The following CBFA2T2 variants were observed in gnomAD, a reference collection of about 807,000 sequenced individuals.
CBFA2T2 encodes the protein protein CBFA2T2.
CBFA2T2 carries 11 observed loss-of-function variants against 62.2 expected under a neutral mutation model. That is an observed-to-expected ratio of 0.18 (90% CI 0.11 to 0.29). The LOEUF is 0.29. CBFA2T2 is among the 10% of genes least tolerant of loss of function. CBFA2T2 has a pLI of 1.00. For missense variants in CBFA2T2, 592 were observed against 774.1 expected (o/e 0.76, Z 2.79); for synonymous variants, 295 against 287.5 (o/e 1.03, Z -0.27).
rs2015369197 is a variant in CBFA2T2, at chr20:33,607,086, C to T, written c.165C>T (p.Phe55=). The change falls in exon 2 of 11, where the codon TTC becomes TTT. Residue 55 remains phenylalanine, a synonymous_variant. Coordinates refer to ENST00000342704, the MANE Select transcript of CBFA2T2 (RefSeq NM_001032999.3). ...CTGGAGGACCGAGGCCAGTGTCCTT[C>T]ACTCCTACTGCATGTGAGACCTCTT... ...INPGGPRPVS[F]TPTALSNGIN... 6.2e-7 allele frequency: 1 copy of T among 1,614,006 alleles called. No individual in the cohort carries two copies. Among genetic ancestry groups the T allele is most frequent in the Non-Finnish European group, 8.5e-7 (1 of 1,179,900 alleles).
chr20:33,503,803 T>C (rs2011348002), intron 1 of CBFA2T2, among the ~76,000 whole-genome samples: 1 of 152,110 alleles, frequency 6.6e-6, no homozygotes, highest in Non-Finnish European at 1.5e-5. Context: ...TTCAGGCATA[T>C]GCCACTATGC....
intron 1 of CBFA2T2, among the ~76,000 whole-genome samples, chr20:33,603,513 G>A (rs187172885): frequency 2.0e-4 from 30 of 152,046 alleles, no homozygotes; most frequent in Non-Finnish European, 3.5e-4. Flanking sequence ...TTTAATACAC[G>A]TATACAAATA....
At chr20:33,571,879 T>C (rs1449400402) in intron 1 of CBFA2T2, among the ~76,000 whole-genome samples, 1 of 152,184 alleles carries the variant, frequency 6.6e-6, no homozygotes, top group African/African-American at 2.4e-5. Flanking sequence ...TTCTTGTGTT[T>C]TGTTTGTTTG....
intron 1 of CBFA2T2, among the ~76,000 whole-genome samples, chr20:33,499,308 A>G (rs917496447): frequency 1.3e-5 from 2 of 152,204 alleles, no homozygotes; most frequent in African/African-American, 2.4e-5. Flanking sequence ...TTTGAATCTC[A>G]TAGAAAGTGA....
At chr20:33,574,867 T>C (rs1360213971) in intron 1 of CBFA2T2, among the ~76,000 whole-genome samples, 1 of 152,170 alleles carries the variant, frequency 6.6e-6, no homozygotes. Context: ...GAATGATTGG[T>C]CTTAAAACAG....
At chr20:33,532,726 T>C (rs1161313238) in intron 1 of CBFA2T2, among the ~76,000 whole-genome samples, 1 of 152,220 alleles carries the variant, frequency 6.6e-6, no homozygotes, top group East Asian at 1.9e-4. Context: ...TATTTATCGG[T>C]AAAATAAGCC....
intron 1 of CBFA2T2, among the ~76,000 whole-genome samples, chr20:33,545,470 T>TTTCTTTCTTTCTTTCG (rs1209263074): frequency 7.1e-4 from 107 of 151,438 alleles, no homozygotes; most frequent in African/African-American, 2.1e-3. Context: ...TCTTTCTTTC[T>TTTCTTTCTTTCTTTCG]TTCGTTCGTT....
At chr20:33,491,250 T>TA (rs1370358080) in intron 1 of CBFA2T2, among the ~76,000 whole-genome samples, 2 of 152,324 alleles carry the variant, frequency 1.3e-5, no homozygotes, top group East Asian at 3.9e-4. Flanking sequence ...AATCATATAG[T>TA]AAGTTTAAAA....
At chr20:33,572,096 T>C (rs2013596537) in intron 1 of CBFA2T2, among the ~76,000 whole-genome samples, 1 of 152,210 alleles carries the variant, frequency 6.6e-6, no homozygotes, top group South Asian at 2.1e-4. Context: ...TTTTGCCATG[T>C]TGGCCAGGCT....
chr20:33,594,431 G>A (rs1424666950), intron 1 of CBFA2T2, among the ~76,000 whole-genome samples: 8 of 151,864 alleles, frequency 5.3e-5, no homozygotes, highest in Admixed American at 2.6e-4. Flanking sequence ...TGTGTTAGCC[G>A]GAATGGTCTC....
chr20:33,544,377 G>A (rs1208496578), intron 1 of CBFA2T2, among the ~76,000 whole-genome samples: 1 of 151,962 alleles, frequency 6.6e-6, no homozygotes. Context: ...TCTCTGCAAG[G>A]TCAACCAGGC....
chr20:33,495,386 C>CAAA (rs1214253879), intron 1 of CBFA2T2, among the ~76,000 whole-genome samples: 1 of 53,398 alleles, frequency 1.9e-5, no homozygotes, highest in African/African-American at 6.2e-5. Context: ...AACTCTATCT[C>CAAA]AAAAAAAAAA....
rs1914974502 is a variant in CBFA2T2 at position 33,648,368 on chromosome 20, AG to A, written c.*3725del. The stretch of plus-strand genomic sequence containing the variant: ...GGTCGGCCAAGTGAGGAATGATTGC[AG>A]GGACCAGAGAAGACCAAAGATGCCA... On this transcript the variant is annotated 3_prime_UTR_variant, in exon 11 of 11. Transcript: ENST00000342704. The A allele has an allele frequency of 6.6e-6, 1 of 152,360 alleles. No homozygotes were observed. The highest frequency in any genetic ancestry group is 1.5e-5 in the Non-Finnish European group (1 of 68,126). The allele number at this position is 152,360 out of a possible 1,614,324, so 9.4% of individuals were successfully genotyped here.
At chr20:33,557,374 G>T (rs1474496938) in intron 1 of CBFA2T2, among the ~76,000 whole-genome samples, 1 of 151,904 alleles carries the variant, frequency 6.6e-6, no homozygotes, top group Non-Finnish European at 1.5e-5. Flanking sequence ...AAGGATCCTT[G>T]GTTTTAGTAG....
At chr20:33,621,241 T>C (rs2122327693) in intron 4 of CBFA2T2, among the ~76,000 whole-genome samples, 1 of 151,694 alleles carries the variant, frequency 6.6e-6, no homozygotes, top group Non-Finnish European at 1.5e-5. Flanking sequence ...GGAAATTTGT[T>C]TTCTCTCTTT....
intron 1 of CBFA2T2, among the ~76,000 whole-genome samples, chr20:33,577,935 G>A (rs2013903560): frequency 6.6e-6 from 1 of 152,160 alleles, no homozygotes; most frequent in Non-Finnish European, 1.5e-5. Flanking sequence ...AGTAATGGTA[G>A]CTATTACTAT....
At chr20:33,534,751 C>CT (rs11167206) in intron 1 of CBFA2T2, among the ~76,000 whole-genome samples, 64,973 of 92,760 alleles carry the variant, frequency 0.7, 25,189 homozygotes, top group Admixed American at 0.72. Flanking sequence ...ATCTTTTTAG[C>CT]TTTTTTTTTT....
At chr20:33,643,759 A>C (rs1425930942) in intron 10 of CBFA2T2, among the ~76,000 whole-genome samples, 17 of 766 alleles carry the variant, frequency 0.022, no homozygotes, top group Non-Finnish European at 2.3e-3. Flanking sequence ...TCTACTATAT[A>C]TATATATATA....
chr20:33,562,331 G>C, intron 1 of CBFA2T2: 1 of 973,186 alleles, frequency 1.0e-6, no homozygotes, highest in Non-Finnish European at 1.2e-6. Flanking sequence ...AACAGGGAGG[G>C]TTGGAAGGGT....
Sources: allele counts gnomAD v4.1 joint callset (sites outside exome capture counted in the v4.1 genomes callset), GRCh38; gene constraint gnomAD v4.1.1; transcripts MANE v1.5; gene names NCBI Gene and HGNC (gene_info 2026-07-23, HGNC 2026-07-21).